The following PATJ variants were observed in gnomAD, a reference collection of about 807,000 sequenced individuals.
PATJ encodes the protein PATJ crumbs cell polarity complex component.
Under a neutral mutation model 224.9 loss-of-function variants are expected in PATJ, and 190 were observed. That is an observed-to-expected ratio of 0.84 (90% CI 0.75 to 0.95). The LOEUF is 0.95. Ranked by LOEUF, PATJ falls within the 40% of genes least tolerant of loss-of-function variation. The probability of loss-of-function intolerance (pLI) is 0.00; values close to 1 mark genes in which losing one functional copy is unlikely to be tolerated. For missense variants in PATJ, 2,121 were observed against 2,270.3 expected (o/e 0.93, Z 1.34); for synonymous variants, 769 against 820.3 (o/e 0.94, Z 1.07).
At chr1:61,749,880 A>G (rs968668042) in intron 1 of PATJ, among the ~76,000 whole-genome samples, 1 of 151,994 alleles carries the variant, frequency 6.6e-6, no homozygotes, top group African/African-American at 2.4e-5. Context: ...GGGTCTTGCC[A>G]TGTTGCCCAG....
chr1:61,763,942 G>A (rs564736876), intron 3 of PATJ, among the ~76,000 whole-genome samples: 1 of 152,112 alleles, frequency 6.6e-6, no homozygotes, highest in East Asian at 1.9e-4. Flanking sequence ...ATAGGCATGA[G>A]CCACCTTGCC....
At chr1:62,133,569 A>T (rs950840478) in intron 41 of PATJ, among the ~76,000 whole-genome samples, 2 of 152,150 alleles carry the variant, frequency 1.3e-5, no homozygotes, top group East Asian at 1.9e-4. Context: ...CGAGAGTGAG[A>T]CACCGTCTCG....
chr1:61,862,439 T>G (rs1050441425), intron 19 of PATJ, among the ~76,000 whole-genome samples: 1 of 152,130 alleles, frequency 6.6e-6, no homozygotes, highest in Non-Finnish European at 1.5e-5. Context: ...TCAGGTGATG[T>G]GCCCACCTCG....
At chr1:62,080,387 AG>A (rs1182060749) in intron 32 of PATJ, among the ~76,000 whole-genome samples, 1 of 151,886 alleles carries the variant, frequency 6.6e-6, no homozygotes, top group Non-Finnish European at 1.5e-5. Context: ...GCTGGAGGGC[AG>A]GGGGCTGATC....
At chr1:61,840,440 C>T (rs970789292) in intron 17 of PATJ, among the ~76,000 whole-genome samples, 8 of 151,826 alleles carry the variant, frequency 5.3e-5, no homozygotes, top group Non-Finnish European at 8.8e-5. Flanking sequence ...TTTTCTTGTC[C>T]ATCCTTCCAG....
intron 29 of PATJ, among the ~76,000 whole-genome samples, chr1:62,037,471 ACTC>A (rs1364646054): frequency 6.6e-6 from 1 of 151,364 alleles, no homozygotes; most frequent in Non-Finnish European, 1.5e-5. Flanking sequence ...CCCCTCAATC[ACTC>A]CTCCTCATAC....
chr1:61,930,908 G>GGTCAGGC (rs1300986273), intron 27 of PATJ, among the ~76,000 whole-genome samples: 1 of 152,080 alleles, frequency 6.6e-6, no homozygotes, highest in Non-Finnish European at 1.5e-5. Context: ...TCTCCATGTT[G>GGTCAGGC]GTCAGGCTGG....
intron 4 of PATJ, among the ~76,000 whole-genome samples, chr1:61,766,910 T>C (rs1646312428): frequency 6.6e-6 from 1 of 152,054 alleles, no homozygotes. Flanking sequence ...CCGACCAACA[T>C]GGCAAAACCC....
At chr1:61,967,744 T>C (rs1160254159) in intron 27 of PATJ, among the ~76,000 whole-genome samples, 1 of 152,202 alleles carries the variant, frequency 6.6e-6, no homozygotes, top group Non-Finnish European at 1.5e-5. Flanking sequence ...CCATAAGAGA[T>C]TTTGGATTAA....
rs541222746 is a variant in PATJ at position 61,949,283 on chromosome 1, A to C, written c.3670+21454A>C. ...ATACTGTATGGTTCCATTTTCATAAACTGTCCATAAAAAACAAATTTATAT... is the reference window on the plus strand; with the variant it reads ...ATACTGTATGGTTCCATTTTCATAACCTGTCCATAAAAAACAAATTTATAT... On this transcript the variant is annotated intron_variant, in intron 27 of 43. Transcript: ENST00000642238. Among the ~76,000 whole-genome samples the C allele has an allele frequency of 2.6e-5, 4 of 152,176 alleles. No individual in the cohort carries two copies. The South Asian group carries it at 8.3e-4, about 32-fold the overall frequency.
chr1:61,952,297 G>A (rs988111450), intron 27 of PATJ: 33 of 505,892 alleles, frequency 6.5e-5, no homozygotes, highest in South Asian at 4.6e-4. Flanking sequence ...GCCCAAGGTC[G>A]TCAGAAGAGA....
At chr1:61,823,340 C>CT (rs374259435) in intron 15 of PATJ, among the ~76,000 whole-genome samples, 425 of 152,260 alleles carry the variant, frequency 2.8e-3, no homozygotes, top group African/African-American at 9.8e-3. Flanking sequence ...TATTAGTATT[C>CT]TTTTTTAGCA....
At chr1:61,855,899 G>T (rs1321846129) in intron 17 of PATJ, 131 bp from the exon 18 acceptor site, 3 of 665,696 alleles carry the variant, frequency 4.5e-6, no homozygotes, top group Non-Finnish European at 5.3e-6. Flanking sequence ...CTGTTTAGAA[G>T]ATTATCACCA....
intron 27 of PATJ, among the ~76,000 whole-genome samples, chr1:61,972,146 C>G (rs1683063911): frequency 6.6e-6 from 1 of 151,926 alleles, no homozygotes; most frequent in Non-Finnish European, 1.5e-5. Context: ...GGACCCAAAC[C>G]TAAACATAAA....
At chr1:61,789,159 A>C (rs1038264872) in intron 8 of PATJ, among the ~76,000 whole-genome samples, 1 of 151,908 alleles carries the variant, frequency 6.6e-6, no homozygotes, top group Non-Finnish European at 1.5e-5. Context: ...AAATATAAAA[A>C]TTAGCCAGAT....
chr1:62,046,763 A>G (rs181415299), intron 30 of PATJ, among the ~76,000 whole-genome samples: 130 of 152,342 alleles, frequency 8.5e-4, no homozygotes, highest in African/African-American at 3.1e-3. Context: ...GAAAAGATAC[A>G]ATGGAACAAG....
intron 20 of PATJ, among the ~76,000 whole-genome samples, chr1:61,870,223 G>C (rs1666125840): frequency 6.6e-6 from 1 of 152,190 alleles, no homozygotes; most frequent in Non-Finnish European, 1.5e-5. Context: ...GGGAAGGGGA[G>C]CTGCAAAGGA....
chr1:62,092,750 T>TTTATTTATTTA lies in PATJ; in HGVS notation c.4377+8104_4377+8105insATTTATTTATT, dbSNP rs1553264643. 4.9e-3 allele frequency among the ~76,000 whole-genome samples: 741 copies of TTTATTTATTTA among 151,062 alleles called. 5 individuals carry two copies. Among genetic ancestry groups the TTTATTTATTTA allele is most frequent in the African/African-American group, 0.017 (673 of 40,668 alleles). Reference sequence around the variant, plus strand: ...CTTTTATTTATTTATTTATTTATTTTTTTATTTTTTGAGCCAAGTCTCGCT... The same window carrying TTTATTTATTTA: ...CTTTTATTTATTTATTTATTTATTTTTTATTTATTTATTTATTTTTTGAGCCAAGTCTCGCT... On this transcript the variant is annotated intron_variant, in intron 33 of 43. Transcript: ENST00000642238.
intron 14 of PATJ, among the ~76,000 whole-genome samples, chr1:61,813,364 T>TATATAC (rs1655303007): frequency 3.9e-5 from 2 of 50,904 alleles, no homozygotes; most frequent in African/African-American, 1.7e-4. Context: ...TATATATATA[T>TATATAC]ATATATATAT....
Sources: gnomAD v4.1 joint callset for allele counts (sites outside exome capture counted in the v4.1 genomes callset) on GRCh38, gnomAD v4.1.1 for gene constraint, MANE v1.5 for transcripts, NCBI Gene and HGNC (gene_info 2026-07-23, HGNC 2026-07-21) for gene names.